The following RILPL1 variants were observed in gnomAD, a reference collection of about 807,000 sequenced individuals.
RILPL1 encodes Rab interacting lysosomal protein like 1.
In RILPL1, 33 loss-of-function variants were observed where a neutral mutation model predicts 50.3. The observed-to-expected ratio is 0.66, with a 90% CI of 0.50 to 0.88. RILPL1 has a LOEUF of 0.88. Ranked by LOEUF, RILPL1 falls within the 40% of genes least tolerant of loss-of-function variation. RILPL1 has a pLI of 0.00. For missense variants in RILPL1, 418 were observed against 542.5 expected (o/e 0.77, Z 2.28); for synonymous variants, 205 against 228.6 (o/e 0.90, Z 0.93).
rs1396898875 is a variant in RILPL1 at position 123,471,102 on chromosome 12, ACT to A, written c.*1434_*1435del. 5 of 137,370 alleles carry A rather than the reference ACT, an allele frequency of 3.6e-5. No individual in the cohort carries two copies. The highest frequency in any genetic ancestry group is 6.1e-5 in the Non-Finnish European group (4 of 65,180). The allele number at this position is 137,370 out of a possible 1,614,324, so 8.5% of individuals were successfully genotyped here. The stretch of plus-strand genomic sequence containing the variant: ...TTTTTTTTTTTTTAGATGAAGTCTC[ACT>A]CTGTCGCCCAGGCTGGAGTGCAATG... On this transcript the variant is annotated 3_prime_UTR_variant, in exon 7 of 7. Coordinates refer to ENST00000376874, the MANE Select transcript of RILPL1 (RefSeq NM_178314.5).
chr12:123,475,699 G>A (rs749198978), intron 6 of RILPL1: 4 of 1,594,152 alleles, frequency 2.5e-6, no homozygotes, highest in Admixed American at 3.4e-5. Context: ...GCAGTGTGGG[G>A]TCATCTATTA....
At chr12:123,521,289 C>T (rs1262878595) in intron 2 of RILPL1, among the ~76,000 whole-genome samples, 2 of 151,838 alleles carry the variant, frequency 1.3e-5, no homozygotes, top group Admixed American at 6.6e-5. Context: ...ATGAAGGTCA[C>T]GTGACTTGAT....
rs138425351 is a variant in RILPL1, at chr12:123,485,280, C to T, written c.974+353G>A. 5.2e-5 allele frequency: 24 copies of T among 462,458 alleles called. 1 individual carries two copies. The highest frequency in any genetic ancestry group is 3.4e-4 in the South Asian group (22 of 64,294). The allele number at this position is 462,458 out of a possible 1,614,324, so 28.6% of individuals were successfully genotyped here. On this transcript the variant is annotated intron_variant, in intron 5 of 6. Coordinates refer to ENST00000376874, the MANE Select transcript of RILPL1 (RefSeq NM_178314.5). This position sits in a 1 kb window ranked among gnomAD's most constrained non-coding sequence, Gnocchi z 4.0. Reference sequence around the variant, plus strand: ...ATAATGTAGGAGGTGAAAAGGGCCACATAGACCATTAACACCGGGGCCGGG... The same window carrying T: ...ATAATGTAGGAGGTGAAAAGGGCCATATAGACCATTAACACCGGGGCCGGG...
At chr12:123,528,223 G>A (rs1444014035) in intron 1 of RILPL1, among the ~76,000 whole-genome samples, 2 of 151,896 alleles carry the variant, frequency 1.3e-5, no homozygotes, top group Non-Finnish European at 2.9e-5. Flanking sequence ...AGCTGGGTGT[G>A]GTGGCACATG....
chr12:123,533,494 T>C lies in RILPL1; in HGVS notation c.-12A>G. ...CGCTCCTCCTCCATGGCCACCCTCC[T>C]GGCCTGTCCCCCGCCCCGCAAACTC... is the stretch of plus-strand genomic sequence containing the variant. On this transcript the variant is annotated 5_prime_UTR_variant, in exon 1 of 7. Coordinates refer to ENST00000376874, the MANE Select transcript of RILPL1 (RefSeq NM_178314.5). The surrounding 1 kb of genome is among the most constrained non-coding windows in gnomAD (Gnocchi z 6.2). 1 of 1,499,392 alleles carries C rather than the reference T, an allele frequency of 6.7e-7. No homozygotes were observed. 92.9% of individuals were successfully genotyped at this position (1,499,392 alleles called of 1,614,324 possible). A position where few individuals can be genotyped will look rare whatever the true frequency, so the allele number is the denominator to read the frequency against.
In RILPL1 at chr12:123,485,518, A is replaced by G. The variant is rs1017316965; in HGVS notation, c.974+115T>C. 1 of 1,045,714 alleles carries G rather than the reference A, an allele frequency of 9.6e-7. No homozygotes were observed. Among genetic ancestry groups the G allele is most frequent in the Non-Finnish European group, 1.4e-6 (1 of 717,800 alleles). 64.8% of individuals were successfully genotyped at this position (1,045,714 alleles called of 1,614,324 possible). On this transcript the variant is annotated intron_variant, in intron 5 of 6. Transcript: ENST00000376874. This position sits in a 1 kb window ranked among gnomAD's most constrained non-coding sequence, Gnocchi z 4.0. ...TTCTTTAGGCCAGAGAGGGTACCCA[A>G]AAAAAACACTGATGAAATGCTTGTC... is the stretch of plus-strand genomic sequence containing the variant.
chr12:123,498,873 T>C lies in RILPL1; in HGVS notation c.580-108A>G. The C allele has an allele frequency of 3.0e-6, 3 of 1,009,572 alleles. No homozygotes were observed. Among genetic ancestry groups the C allele is most frequent in the Non-Finnish European group, 4.5e-6 (3 of 661,044 alleles). The allele number at this position is 1,009,572 out of a possible 1,614,324, so 62.5% of individuals were successfully genotyped here. A position where few individuals can be genotyped will look rare whatever the true frequency, so the allele number is the denominator to read the frequency against. On this transcript the variant is annotated intron_variant, in intron 3 of 6. Coordinates refer to ENST00000376874, the MANE Select transcript of RILPL1 (RefSeq NM_178314.5). The surrounding 1 kb of genome is among the most constrained non-coding windows in gnomAD (Gnocchi z 4.3). ...AGGTGTGCCATTTACATTGCAGACATCTTTGTTTGAAAGTTGTTCGTATTC... is the reference window on the plus strand; with the variant it reads ...AGGTGTGCCATTTACATTGCAGACACCTTTGTTTGAAAGTTGTTCGTATTC...
At chr12:123,501,094 G>A (rs1566127352) in intron 2 of RILPL1, among the ~76,000 whole-genome samples, 1 of 151,670 alleles carries the variant, frequency 6.6e-6, no homozygotes, top group Non-Finnish European at 1.5e-5. Flanking sequence ...GGTGACAACA[G>A]CAAGACTCTG....
intron 2 of RILPL1, among the ~76,000 whole-genome samples, chr12:123,503,186 C>CTTTTTTGT (rs1883512327): frequency 1.2e-5 from 1 of 80,742 alleles, no homozygotes; most frequent in Non-Finnish European, 2.3e-5. Flanking sequence ...CACGCCTGGC[C>CTTTTTTGT]TTTTTTTTTT....
intron 4 of RILPL1, among the ~76,000 whole-genome samples, chr12:123,487,089 G>A (rs546786989): frequency 7.3e-5 from 11 of 151,402 alleles, no homozygotes; most frequent in South Asian, 4.2e-4. Flanking sequence ...GTGAGCCACC[G>A]CACCCGGCTG....
chr12:123,485,244 G>A lies in RILPL1; in HGVS notation c.974+389C>T, dbSNP rs1310149654. Reference sequence around the variant, plus strand: ...GAAACCTACAATAAAGCAAGCATGAGAGTGAACAGGATAATGTAGGAGGTG... The same window carrying A: ...GAAACCTACAATAAAGCAAGCATGAAAGTGAACAGGATAATGTAGGAGGTG... On this transcript the variant is annotated intron_variant, in intron 5 of 6. Coordinates refer to ENST00000376874, the MANE Select transcript of RILPL1 (RefSeq NM_178314.5). This position sits in a 1 kb window ranked among gnomAD's most constrained non-coding sequence, Gnocchi z 4.0. 2.2e-6 allele frequency: 1 copy of A among 461,554 alleles called. No homozygotes were observed. Among genetic ancestry groups the A allele is most frequent in the Non-Finnish European group, 4.3e-6 (1 of 230,822 alleles). 28.6% of individuals were successfully genotyped at this position (461,554 alleles called of 1,614,324 possible).
intron 2 of RILPL1, among the ~76,000 whole-genome samples, chr12:123,517,461 C>G (rs1305164279): frequency 6.8e-6 from 1 of 147,276 alleles, no homozygotes; most frequent in East Asian, 2.0e-4. Flanking sequence ...CGCTGTGTTG[C>G]CCAGGCTGGA....
intron 1 of RILPL1, among the ~76,000 whole-genome samples, chr12:123,530,176 T>C (rs1252365867): frequency 1.3e-5 from 2 of 152,168 alleles, no homozygotes; most frequent in African/African-American, 2.4e-5. Context: ...GTTGTTGTTG[T>C]TGTTTTTGAG....
intron 2 of RILPL1, among the ~76,000 whole-genome samples, chr12:123,510,365 GGTGTGTGTGT>G (rs563988101): frequency 1.1e-4 from 16 of 150,928 alleles, no homozygotes; most frequent in African/African-American, 2.9e-4. Context: ...TGGGGGGTGT[GGTGTGTGTGT>G]GTGTGTGTGG....
At chr12:123,477,808 T>C (rs1417048366) in intron 6 of RILPL1, among the ~76,000 whole-genome samples, 3 of 151,870 alleles carry the variant, frequency 2.0e-5, no homozygotes, top group Non-Finnish European at 4.4e-5. Flanking sequence ...CCAAAGAGGG[T>C]GCCCACAAAG....
At chr12:123,475,120 AG>A (rs1881501943) in intron 6 of RILPL1, 1 of 155,808 alleles carries the variant, frequency 6.4e-6, no homozygotes, top group South Asian at 1.9e-4. Flanking sequence ...AAAATACAGC[AG>A]CAACACCTCA....
At chr12:123,500,061 A>G (rs556708095) in intron 2 of RILPL1, among the ~76,000 whole-genome samples, 38 of 151,562 alleles carry the variant, frequency 2.5e-4, no homozygotes, top group African/African-American at 8.2e-4. Context: ...CCTCCTGAGT[A>G]GCTGGGACTA....
At chr12:123,508,401 A>C (rs564732235) in intron 2 of RILPL1, among the ~76,000 whole-genome samples, 2 of 152,226 alleles carry the variant, frequency 1.3e-5, no homozygotes, top group South Asian at 2.1e-4. Context: ...CTCAAAAAAA[A>C]CAAAAAACAA....
At chr12:123,517,930 G>T (rs1884798941) in intron 2 of RILPL1, among the ~76,000 whole-genome samples, 2 of 152,124 alleles carry the variant, frequency 1.3e-5, no homozygotes, top group Admixed American at 6.5e-5. Flanking sequence ...CTACAAAATG[G>T]ATAAACCTCG....
Sources: allele counts gnomAD v4.1 joint callset (sites outside exome capture counted in the v4.1 genomes callset), GRCh38; gene constraint gnomAD v4.1.1; non-coding constraint Gnocchi (gnomAD v3.1); transcripts MANE v1.5; gene names NCBI Gene and HGNC (gene_info 2026-07-23, HGNC 2026-07-21).